Variants in ANK3 observed in about 807,000 individuals in gnomAD.
ANK3 encodes ankyrin 3, also known as ankyrin-3.
ANK3 carries 57 observed loss-of-function variants against 370.9 expected under a neutral mutation model. That is an observed-to-expected ratio of 0.15 (90% confidence interval 0.12 to 0.19). The LOEUF is 0.19. ANK3 is among the 10% of genes least tolerant of loss of function. The pLI, the probability that ANK3 is intolerant of heterozygous loss-of-function variation, is 1.00. For missense variants in ANK3, 4,439 were observed against 5,302.1 expected, an observed-to-expected ratio of 0.84 and a Z score of 5.06; for synonymous variants, 1,929 against 1,946.3, an observed-to-expected ratio of 0.99 and a Z score of 0.23.
intron 6 of ANK3, among the ~76,000 whole-genome samples, chr10:60,263,573 G>T (rs950492597): frequency 2.0e-5 from 3 of 152,168 alleles, no homozygotes; most frequent in African/African-American, 7.2e-5. Context: ...TCAAAGGAAA[G>T]AAATGATCAC....
chr10:60,253,789 T>G (rs2097699492), intron 7 of ANK3, among the ~76,000 whole-genome samples: 2 of 152,200 alleles, frequency 1.3e-5, no homozygotes. Context: ...AAGAAGTCTT[T>G]GTCTTTAATG....
At chr10:60,332,446 T>C (rs2051593942) in intron 1 of ANK3, among the ~76,000 whole-genome samples, 1 of 152,200 alleles carries the variant, frequency 6.6e-6, no homozygotes, top group Non-Finnish European at 1.5e-5. Context: ...GCCACTGTTC[T>C]GATGTTAGCA....
intron 1 of ANK3, among the ~76,000 whole-genome samples, chr10:60,315,777 T>C (rs1319892632): frequency 6.6e-6 from 1 of 152,148 alleles, no homozygotes; most frequent in Non-Finnish European, 1.5e-5. Context: ...TCATGGCAGA[T>C]TTACTGTGCC....
intron 2 of ANK3, among the ~76,000 whole-genome samples, chr10:60,569,051 T>C (rs902978723): frequency 4.3e-5 from 5 of 115,202 alleles, no homozygotes; most frequent in South Asian, 2.9e-4. Context: ...TAGTCTATTG[T>C]ATTTTTTTAA....
chr10:60,660,563 G>T (rs770139432), intron 1 of ANK3, among the ~76,000 whole-genome samples: 14 of 152,108 alleles, frequency 9.2e-5, no homozygotes, highest in Non-Finnish European at 1.8e-4. Flanking sequence ...TAGGTCAAAA[G>T]TTCTTGTTTC....
chr10:60,098,966 CAT>C (rs1239924552), intron 28 of ANK3, among the ~76,000 whole-genome samples: 3 of 152,134 alleles, frequency 2.0e-5, no homozygotes, highest in Non-Finnish European at 4.4e-5. Context: ...TTCTGACAAT[CAT>C]ATATTTTTAA....
At chr10:60,379,237 A>G (rs530859236) in intron 1 of ANK3, among the ~76,000 whole-genome samples, 1 of 152,322 alleles carries the variant, frequency 6.6e-6, no homozygotes, top group South Asian at 2.1e-4. Flanking sequence ...AAGAATGCAG[A>G]GAAAAGGGAA....
intron 1 of ANK3, among the ~76,000 whole-genome samples, chr10:60,654,038 T>G (rs1013398457): frequency 6.6e-6 from 1 of 152,246 alleles, no homozygotes; most frequent in African/African-American, 2.4e-5. Flanking sequence ...TATTTTTCAT[T>G]GACAGATCTT....
Position 60,028,611 on chromosome 10 carries a change from T to C in ANK3, c.*1235A>G, listed in dbSNP as rs115065245. On this transcript the variant is annotated 3_prime_UTR_variant, in exon 44 of 44. Transcript: ENST00000280772. ...CCTTATTAACCTAATATGACACTGC[T>C]AGAATGGTTACAAATGATTGGCTTA... is the stretch of plus-strand genomic sequence containing the variant. 106 of 152,740 alleles carry C rather than the reference T, an allele frequency of 6.9e-4. No individual in the cohort carries two copies. The highest frequency in any genetic ancestry group is 2.5e-3 in the African/African-American group (102 of 41,556). 9.5% of individuals were successfully genotyped at this position (152,740 alleles called of 1,614,324 possible).
At chr10:60,058,117 G>A (rs1409350946) in intron 41 of ANK3, among the ~76,000 whole-genome samples, 1 of 152,164 alleles carries the variant, frequency 6.6e-6, no homozygotes, top group East Asian at 1.9e-4. Context: ...ATTACTATTT[G>A]TGTCAGTCAT....
At position 60,028,477 on chromosome 10, in the gene ANK3, T is replaced by C. The variant is rs2072574074; in HGVS notation, c.*1369A>G. ...CATCCAGTGTATGGTTTTTCATACA[T>C]ATGTCATTAGAGCTATGTGTCAATG... is the stretch of plus-strand genomic sequence containing the variant. On this transcript the variant is annotated 3_prime_UTR_variant, in exon 44 of 44. Transcript: ENST00000280772. The C allele has an allele frequency of 1.3e-5, 2 of 152,692 alleles. No individual in the cohort carries two copies. Among genetic ancestry groups the C allele is most frequent in the Admixed American group, 1.3e-4 (2 of 15,286 alleles). 9.5% of individuals were successfully genotyped at this position (152,692 alleles called of 1,614,324 possible).
chr10:60,326,273 C>G (rs2049846222), intron 1 of ANK3, among the ~76,000 whole-genome samples: 1 of 151,514 alleles, frequency 6.6e-6, no homozygotes, highest in Non-Finnish European at 1.5e-5. Flanking sequence ...TATTTCTGAA[C>G]TTAAAAGTTA....
chr10:60,137,358 T>A, intron 24 of ANK3: 1 of 286,194 alleles, frequency 3.5e-6, no homozygotes, highest in Non-Finnish European at 6.5e-6. Flanking sequence ...TTGGGACTAT[T>A]TTAAAGTAAT....
At chr10:60,594,606 T>TAC (rs149268310) in intron 2 of ANK3, among the ~76,000 whole-genome samples, 2,401 of 151,720 alleles carry the variant, frequency 0.016, 63 homozygotes, top group African/African-American at 0.055. Flanking sequence ...TGCCTATTTT[T>TAC]ACACACACAC....
At chr10:60,288,860 C>T (rs1004547711) in intron 1 of ANK3, among the ~76,000 whole-genome samples, 6 of 149,844 alleles carry the variant, frequency 4.0e-5, no homozygotes, top group African/African-American at 5.0e-5. Context: ...TCAACCCCAC[C>T]GTGCCTCAAG....
rs181103477 is a variant in ANK3, at chr10:60,623,625, G to A, written c.58-8401C>T. Among the ~76,000 whole-genome samples the A allele has an allele frequency of 1.8e-3, 268 of 152,326 alleles. 1 individual carries two copies. The highest frequency in any genetic ancestry group is 6.3e-3 in the African/African-American group (261 of 41,588). ...ATCATAGGTTGTTGAGCAGGAAAGT[G>A]ACAATGACTAAGACTATTCATTAGA... On this transcript the variant is annotated intron_variant, in intron 1 of 43. Transcript: ENST00000373827.
intron 2 of ANK3, among the ~76,000 whole-genome samples, chr10:60,402,010 T>G (rs1567010804): frequency 1.3e-5 from 2 of 152,226 alleles, no homozygotes; most frequent in Non-Finnish European, 2.9e-5. Flanking sequence ...GAATTTTCTG[T>G]GACAGTTGGC....
At chr10:60,320,452 G>T (rs1476312549) in intron 1 of ANK3, among the ~76,000 whole-genome samples, 1 of 152,094 alleles carries the variant, frequency 6.6e-6, no homozygotes, top group Non-Finnish European at 1.5e-5. Flanking sequence ...AAAATTAGCC[G>T]GGCATGGTGG....
intron 1 of ANK3, among the ~76,000 whole-genome samples, chr10:60,343,710 T>C (rs1594168318): frequency 1.3e-5 from 2 of 152,130 alleles, no homozygotes; most frequent in African/African-American, 4.8e-5. Context: ...TATTAAGCAG[T>C]CATAAAGAGA....
Sources: gnomAD v4.1 joint callset for allele counts (sites outside exome capture counted in the v4.1 genomes callset) on GRCh38, gnomAD v4.1.1 for gene constraint, MANE v1.5 for transcripts, NCBI Gene and HGNC (gene_info 2026-07-23, HGNC 2026-07-21) for gene names.